Variants in CEP128 observed in about 807,000 individuals in gnomAD.
The protein encoded by CEP128 is centrosomal protein 128.
CEP128 carries 132 observed loss-of-function variants against 156.7 expected under a neutral mutation model. The observed-to-expected ratio is 0.84, with a 90% CI of 0.73 to 0.97. The LOEUF is 0.97. Ranked by LOEUF, CEP128 falls within the 50% of genes least tolerant of loss-of-function variation. CEP128 has a pLI of 0.00. For missense variants in CEP128, 1,252 were observed against 1,281.9 expected, an observed-to-expected ratio of 0.98 and a Z score of 0.36; for synonymous variants, 469 against 448.9, an observed-to-expected ratio of 1.04 and a Z score of -0.57.
intron 18 of CEP128, among the ~76,000 whole-genome samples, chr14:80,748,662 G>A (rs1899229202): frequency 6.6e-6 from 1 of 152,166 alleles, no homozygotes; most frequent in Non-Finnish European, 1.5e-5. Context: ...TAATAGCCAA[G>A]TTTCTAACTT....
At position 80,792,852 on chromosome 14, in the gene CEP128, TGGATTC is replaced by T. The variant is rs1383134654; in HGVS notation, c.1462_1467del (p.Glu488_Ser489del). 6 of 1,614,114 alleles carry T rather than the reference TGGATTC, an allele frequency of 3.7e-6. No homozygotes were observed. The highest frequency in any genetic ancestry group is 5.1e-6 in the Non-Finnish European group (6 of 1,180,042). On this transcript the variant is annotated inframe_deletion, in exon 14 of 25. Coordinates refer to ENST00000555265, the MANE Select transcript of CEP128 (RefSeq NM_152446.5). ...TTATGCTTAAGCTTCCACTGCCTAA[TGGATTC>T]TTGAGCTTTCAGTTTCAGGTCTTCC...
intron 19 of CEP128, among the ~76,000 whole-genome samples, chr14:80,622,901 C>T (rs35290914): frequency 0.62 from 91,722 of 148,306 alleles, 28,803 homozygotes; most frequent in Non-Finnish European, 0.66. Flanking sequence ...GTCAGTGTGG[C>T]GATTCCTCAG....
At chr14:80,569,415 T>C (rs545041234) in intron 20 of CEP128, among the ~76,000 whole-genome samples, 61 of 152,254 alleles carry the variant, frequency 4.0e-4, no homozygotes, top group African/African-American at 1.5e-3. Context: ...GTCTATGAAA[T>C]GAAGGAATAA....
At chr14:80,859,211 G>C (rs1595508561) in intron 9 of CEP128, among the ~76,000 whole-genome samples, 2 of 150,524 alleles carry the variant, frequency 1.3e-5, no homozygotes. Flanking sequence ...GGAATACTAT[G>C]CAGCCATAAA....
intron 16 of CEP128, among the ~76,000 whole-genome samples, chr14:80,766,788 G>C (rs941297657): frequency 6.6e-6 from 1 of 151,964 alleles, no homozygotes; most frequent in Non-Finnish European, 1.5e-5. Flanking sequence ...CAGTCCCAAG[G>C]CCATCTTTAC....
intron 8 of CEP128, among the ~76,000 whole-genome samples, chr14:80,880,121 A>C (rs1888461430): frequency 6.6e-6 from 1 of 152,222 alleles, no homozygotes; most frequent in Admixed American, 6.5e-5. Context: ...CATCAAAAAA[A>C]TTATACAACA....
intron 21 of CEP128, among the ~76,000 whole-genome samples, chr14:80,532,946 T>A (rs144993415): frequency 0.013 from 1,937 of 152,318 alleles, 7 homozygotes; most frequent in African/African-American, 0.017. Context: ...TTTTTCAAGT[T>A]CCATTGAAAG....
intron 14 of CEP128, among the ~76,000 whole-genome samples, chr14:80,483,763 G>A (rs1887102408): frequency 1.3e-5 from 2 of 152,292 alleles, no homozygotes; most frequent in East Asian, 1.9e-4. Context: ...TTACTGTCTA[G>A]TGAAACATTT....
intron 18 of CEP128, among the ~76,000 whole-genome samples, chr14:80,747,509 TTA>T (rs1191968798): frequency 6.6e-6 from 1 of 152,156 alleles, no homozygotes; most frequent in Non-Finnish European, 1.5e-5. Context: ...AGACCACATA[TTA>T]TATGATTATA....
chr14:80,565,811 G>A (rs1890886632), intron 20 of CEP128, among the ~76,000 whole-genome samples: 1 of 152,136 alleles, frequency 6.6e-6, no homozygotes. Context: ...ACATCTCAGA[G>A]ATGAATTAGA....
chr14:80,746,844 T>C (rs1271944186), intron 18 of CEP128, among the ~76,000 whole-genome samples: 1 of 152,144 alleles, frequency 6.6e-6, no homozygotes, highest in Non-Finnish European at 1.5e-5. Context: ...CAATGTCTAA[T>C]AAGGGAATTA....
intron 19 of CEP128, among the ~76,000 whole-genome samples, chr14:80,731,171 G>A (rs1313423851): frequency 6.6e-6 from 1 of 152,170 alleles, no homozygotes; most frequent in Admixed American, 6.5e-5. Context: ...GGAAAGCCAG[G>A]TTGGTTTCAA....
At chr14:80,835,955 T>C (rs1886050573) in intron 12 of CEP128, among the ~76,000 whole-genome samples, 2 of 152,214 alleles carry the variant, frequency 1.3e-5, no homozygotes, top group South Asian at 4.1e-4. Flanking sequence ...TTGCAGGCTC[T>C]TTCTAAGAGA....
intron 19 of CEP128, among the ~76,000 whole-genome samples, chr14:80,621,622 G>C (rs564460757): frequency 6.6e-6 from 1 of 152,200 alleles, no homozygotes; most frequent in Non-Finnish European, 1.5e-5. Flanking sequence ...AAATTAGAAA[G>C]ACTAAAAAGG....
chr14:80,883,022 T>G (rs371252956), intron 8 of CEP128, among the ~76,000 whole-genome samples: 37 of 152,240 alleles, frequency 2.4e-4, no homozygotes, highest in African/African-American at 7.5e-4. Flanking sequence ...AATTTAATTG[T>G]ACATTTTAAA....
chr14:80,613,432 A>G (rs1190292111), intron 19 of CEP128, among the ~76,000 whole-genome samples: 33 of 147,252 alleles, frequency 2.2e-4, no homozygotes. Flanking sequence ...CCTCTCGAGT[A>G]ATTGGGACTA....
intron 16 of CEP128, among the ~76,000 whole-genome samples, chr14:80,762,274 TTA>T (rs33922592): frequency 0.41 from 61,938 of 151,864 alleles, 13,027 homozygotes; most frequent in African/African-American, 0.49. Context: ...ATCATTATGA[TTA>T]TACAGTTACA....
At chr14:80,505,746 T>A (rs1481927162) in intron 23 of CEP128, among the ~76,000 whole-genome samples, 10 of 152,236 alleles carry the variant, frequency 6.6e-5, no homozygotes, top group Non-Finnish European at 1.3e-4. Context: ...AATACGTGTT[T>A]AATATACTTT....
chr14:80,578,637 T>C (rs966445926), intron 20 of CEP128, among the ~76,000 whole-genome samples: 4 of 152,166 alleles, frequency 2.6e-5, no homozygotes, highest in East Asian at 1.9e-4. Flanking sequence ...CCAGGTACTA[T>C]TGTGTCATTG....
Sources: allele counts gnomAD v4.1 joint callset (sites outside exome capture counted in the v4.1 genomes callset), GRCh38; gene constraint gnomAD v4.1.1; transcripts MANE v1.5; gene names NCBI Gene and HGNC (gene_info 2026-07-23, HGNC 2026-07-21).